Variants in GALNT6 observed in about 807,000 individuals in gnomAD.
GALNT6 encodes polypeptide N-acetylgalactosaminyltransferase 6.
A neutral mutation model predicts 65.9 loss-of-function variants in GALNT6; 51 were observed. That is an observed-to-expected ratio of 0.77 (90% CI 0.62 to 0.98). The LOEUF is 0.98. Ranked by LOEUF, GALNT6 falls within the 50% of genes least tolerant of loss-of-function variation. GALNT6 has a pLI of 0.00. For synonymous variants in GALNT6, 323 were observed against 315.1 expected (o/e 1.02, Z -0.26); for missense variants, 708 against 803.3 (o/e 0.88, Z 1.43).
intron 2 of GALNT6, among the ~76,000 whole-genome samples, chr12:51,381,100 C>T (rs970408797): frequency 3.9e-5 from 6 of 151,966 alleles, no homozygotes; most frequent in African/African-American, 9.7e-5. Context: ...ATTAGCGAGG[C>T]GTAGTGGTGC....
At position 51,365,449 on chromosome 12, in the gene GALNT6, G is replaced by C. The variant is rs550420161; in HGVS notation, c.795C>G (p.Leu265=). The change falls in exon 5 of 12, where the codon CTC becomes CTG. Residue 265 remains leucine, a synonymous_variant. Coordinates refer to ENST00000356317, the MANE Select transcript of GALNT6 (RefSeq NM_007210.4). Reference sequence around the variant, plus strand: ...ACTCACAGTGGGCATCCAGGAACGTGAGCACCTCCGCCTGTGCCACGCTGG... The same window carrying C: ...ACTCACAGTGGGCATCCAGGAACGTCAGCACCTCCGCCTGTGCCACGCTGG... ...LGASVAQAEV[L]TFLDAHCECF... is the part of the protein sequence containing the mutation. 5.2e-5 allele frequency: 83 copies of C among 1,610,740 alleles called. No individual in the cohort carries two copies. The East Asian group carries it at 1.7e-3, about 32-fold the overall frequency.
intron 6 of GALNT6, 38 bp downstream of exon 6, chr12:51,364,083 G>A: frequency 7.0e-7 from 1 of 1,422,308 alleles, no homozygotes; most frequent in Non-Finnish European, 1.0e-6. Context: ...GGGTAGGACT[G>A]GGGCCAGGTT....
At chr12:51,354,728 C>T (rs979558946) in intron 11 of GALNT6, among the ~76,000 whole-genome samples, 1 of 152,164 alleles carries the variant, frequency 6.6e-6, no homozygotes, top group African/African-American at 2.4e-5. Flanking sequence ...TGGTGAAAGA[C>T]AAGACCATGG....
At chr12:51,385,728 C>G (rs1947815517) in intron 2 of GALNT6, among the ~76,000 whole-genome samples, 1 of 150,552 alleles carries the variant, frequency 6.6e-6, no homozygotes, top group Non-Finnish European at 1.5e-5. Flanking sequence ...TCATCACAGC[C>G]CACCCTGTGT....
intron 5 of GALNT6, 147 bp downstream of exon 5, chr12:51,365,283 G>T: frequency 1.6e-6 from 1 of 640,668 alleles, no homozygotes; most frequent in Non-Finnish European, 2.6e-6. Context: ...GGGTGAGAAA[G>T]GGGTAGAGGC....
chr12:51,370,257 AT>A (rs1358824878), intron 4 of GALNT6, among the ~76,000 whole-genome samples: 9 of 152,232 alleles, frequency 5.9e-5, no homozygotes, highest in Non-Finnish European at 1.5e-5. Flanking sequence ...TAAAAAGTAA[AT>A]TCTGGGCCGG....
intron 2 of GALNT6, among the ~76,000 whole-genome samples, chr12:51,390,162 T>TCTTTTC (rs1565741219): frequency 2.7e-4 from 31 of 113,436 alleles, no homozygotes; most frequent in African/African-American, 8.9e-4. Context: ...CTTTCTTTTT[T>TCTTTTC]TTTTTTTTTT....
In GALNT6 at chr12:51,354,769, G is replaced by A. The variant is rs188966710; in HGVS notation, c.1756-277C>T. Among the ~76,000 whole-genome samples, 19 of 152,182 alleles carry A rather than the reference G, an allele frequency of 1.2e-4. No individual in the cohort carries two copies. The East Asian group carries it at 2.1e-3, about 17-fold the overall frequency. ...GAGAAAAATGCTTTCAGGGCCTCCCGCACCCCCAGATGGCCAGGCTCAAAG... is the reference window on the plus strand; with the variant it reads ...GAGAAAAATGCTTTCAGGGCCTCCCACACCCCCAGATGGCCAGGCTCAAAG... On this transcript the variant is annotated intron_variant, in intron 11 of 11. Coordinates refer to ENST00000356317, the MANE Select transcript of GALNT6 (RefSeq NM_007210.4).
At chr12:51,379,183 A>C (rs1947571137) in intron 3 of GALNT6, 108 bp downstream of exon 3, 2 of 1,135,678 alleles carry the variant, frequency 1.8e-6, no homozygotes, top group African/African-American at 1.6e-5. Context: ...CCATATTATA[A>C]AATTCCCTTC....
intron 10 of GALNT6, among the ~76,000 whole-genome samples, chr12:51,356,441 C>T (rs970890200): frequency 6.8e-6 from 1 of 147,958 alleles, no homozygotes; most frequent in African/African-American, 2.5e-5. Context: ...CTCACTGCAA[C>T]CTTGAATTCG....
At chr12:51,370,215 G>A (rs1039901728) in intron 4 of GALNT6, among the ~76,000 whole-genome samples, 1 of 152,250 alleles carries the variant, frequency 6.6e-6, no homozygotes, top group Admixed American at 6.5e-5. Context: ...ACAAAATGTG[G>A]TGTATACATA....
chr12:51,378,882 A>ACCCCCCC (rs369224950), intron 3 of GALNT6, among the ~76,000 whole-genome samples: 1 of 115,024 alleles, frequency 8.7e-6, no homozygotes, highest in African/African-American at 3.7e-5. Flanking sequence ...AGAAATGCCC[A>ACCCCCCC]CCCCCCCCCC....
At chr12:51,370,943 G>A (rs1324592053) in intron 4 of GALNT6, among the ~76,000 whole-genome samples, 3 of 152,094 alleles carry the variant, frequency 2.0e-5, no homozygotes, top group African/African-American at 7.2e-5. Context: ...CTGAAACCGT[G>A]AAGATGATAC....
chr12:51,384,651 C>T (rs139354356), intron 2 of GALNT6, among the ~76,000 whole-genome samples: 2 of 143,726 alleles, frequency 1.4e-5, no homozygotes, highest in Non-Finnish European at 3.0e-5. Flanking sequence ...GAAATAGCAC[C>T]ACCGTACTCC....
At chr12:51,363,062 C>T (rs976863986) in intron 6 of GALNT6, among the ~76,000 whole-genome samples, 2 of 152,078 alleles carry the variant, frequency 1.3e-5, no homozygotes, top group African/African-American at 4.8e-5. Context: ...ATCCTTTCCT[C>T]CTTTCAAACC....
At position 51,387,409 on chromosome 12, in the gene GALNT6, G is replaced by A. The variant is rs1237496813; in HGVS notation, c.-104+3441C>T. On this transcript the variant is annotated intron_variant, in intron 2 of 11. Coordinates refer to ENST00000356317, the MANE Select transcript of GALNT6 (RefSeq NM_007210.4). This position sits in a 1 kb window ranked among gnomAD's most constrained non-coding sequence, Gnocchi z 4.2. ...GCCAATGCATCCAGCCTGTTTGCATGATATTTTAAGCTTAAATTACCCAAA... is the reference window on the plus strand; with the variant it reads ...GCCAATGCATCCAGCCTGTTTGCATAATATTTTAAGCTTAAATTACCCAAA... Among the ~76,000 whole-genome samples the A allele has an allele frequency of 6.6e-6, 1 of 152,068 alleles. No individual in the cohort carries two copies. The highest frequency in any genetic ancestry group is 1.5e-5 in the Non-Finnish European group (1 of 68,014).
chr12:51,382,401 G>A (rs1175537289), intron 2 of GALNT6: 2 of 152,760 alleles, frequency 1.3e-5, no homozygotes, highest in African/African-American at 2.4e-5. Flanking sequence ...GGCAACATCT[G>A]TGAAGAAATC....
At chr12:51,366,855 C>A (rs1006837841) in intron 4 of GALNT6, among the ~76,000 whole-genome samples, 2 of 152,156 alleles carry the variant, frequency 1.3e-5, no homozygotes, top group South Asian at 4.1e-4. Flanking sequence ...TGGCTGGGCA[C>A]GGTGGCTCAC....
chr12:51,387,541 C>G lies in GALNT6; in HGVS notation c.-104+3309G>C, dbSNP rs1245705243. Among the ~76,000 whole-genome samples, 2 of 152,120 alleles carry G rather than the reference C, an allele frequency of 1.3e-5. No individual in the cohort carries two copies. Among genetic ancestry groups the G allele is most frequent in the Non-Finnish European group, 2.9e-5 (2 of 68,020 alleles). On this transcript the variant is annotated intron_variant, in intron 2 of 11. Transcript: ENST00000356317. The surrounding 1 kb of genome is among the most constrained non-coding windows in gnomAD (Gnocchi z 4.2). ...TTGGTTAATATTTGTTGACTTATTC[C>G]AAGAAAAAGTCACCAAAAATCAAAA...
Sources: allele counts gnomAD v4.1 joint callset (sites outside exome capture counted in the v4.1 genomes callset), GRCh38; gene constraint gnomAD v4.1.1; non-coding constraint Gnocchi (gnomAD v3.1); transcripts MANE v1.5; gene names NCBI Gene and HGNC (gene_info 2026-07-23, HGNC 2026-07-21).